EP400: variants seen among roughly 807,000 people sequenced by gnomAD.
EP400 encodes the protein E1A-binding protein p400.
Under a neutral mutation model 354.1 loss-of-function variants are expected in EP400, and 105 were observed. That is an observed-to-expected ratio of 0.30 (90% CI 0.25 to 0.35). The LOEUF is 0.35. Ranked by LOEUF, EP400 falls within the 10% of genes least tolerant of loss-of-function variation. The pLI is 1.00. For synonymous variants in EP400, 1,646 were observed against 1,716.9 expected (o/e 0.96, Z 1.02); for missense variants, 3,280 against 4,121.0 (o/e 0.80, Z 5.59).
intron 25 of EP400, among the ~76,000 whole-genome samples, chr12:132,026,201 C>T (rs1282045120): frequency 2.0e-5 from 3 of 152,198 alleles, no homozygotes; most frequent in Non-Finnish European, 4.4e-5. Flanking sequence ...TCCTGTCTCG[C>T]CACCTGCTTC....
chr12:131,966,281 G>A lies in EP400; in HGVS notation c.1335+4327G>A, dbSNP rs561641677. 1.1e-3 allele frequency among the ~76,000 whole-genome samples: 172 copies of A among 152,148 alleles called. 1 individual carries two copies. Among genetic ancestry groups the A allele is most frequent in the Non-Finnish European group, 7.6e-4 (52 of 67,980 alleles). Reference sequence around the variant, plus strand: ...GGATCACTTGAGGCTGGGAATTTAAGACCAGCCTGGACTAGGCATGATGGC... The same window carrying A: ...GGATCACTTGAGGCTGGGAATTTAAAACCAGCCTGGACTAGGCATGATGGC... On this transcript the variant is annotated intron_variant, in intron 2 of 52. Transcript: ENST00000389561.
intron 12 of EP400, among the ~76,000 whole-genome samples, chr12:131,995,477 A>C (rs1027304144): frequency 1.5e-4 from 23 of 151,360 alleles, no homozygotes; most frequent in Non-Finnish European, 3.4e-4. Context: ...GTGTGTGAGA[A>C]CTTCATGTGA....
intron 50 of EP400, chr12:132,068,713 C>T (rs1447992321): frequency 3.3e-5 from 5 of 152,348 alleles, no homozygotes; most frequent in African/African-American, 4.8e-5. Context: ...TTGGCACGAC[C>T]GCTGCAGGGA....
At chr12:132,064,366 T>C (rs1895816555) in intron 47 of EP400, among the ~76,000 whole-genome samples, 1 of 152,256 alleles carries the variant, frequency 6.6e-6, no homozygotes, top group African/African-American at 2.4e-5. Context: ...GAACTTCAAA[T>C]AAGTTTGGTT....
intron 2 of EP400, among the ~76,000 whole-genome samples, chr12:131,976,676 C>T (rs183106590): frequency 6.6e-6 from 1 of 152,290 alleles, no homozygotes; most frequent in African/African-American, 2.4e-5. Flanking sequence ...TACCATTGCA[C>T]TCCAGCCTGG....
rs372959673 is a variant in EP400 at position 131,990,252 on chromosome 12, G to T, written c.2550+148G>T. 6 of 964,738 alleles carry T rather than the reference G, an allele frequency of 6.2e-6. No homozygotes were observed. The highest frequency in any genetic ancestry group is 9.1e-6 in the Non-Finnish European group (6 of 657,100). The allele number at this position is 964,738 out of a possible 1,614,324, so 59.8% of individuals were successfully genotyped here. ...TGTGCACTCTCCTGGGCTGTTGCTT[G>T]TTGGCCTTTGAATGAGCTGCTCGTG... On this transcript the variant is annotated intron_variant, in intron 8 of 52. Coordinates refer to ENST00000389561, the MANE Select transcript of EP400 (RefSeq NM_015409.5). This position sits in a 1 kb window ranked among gnomAD's most constrained non-coding sequence, Gnocchi z 4.2.
rs2136538116 is a variant in EP400 at position 132,017,284 on chromosome 12, ATGAAG to A, written c.3924-248_3924-244del. Among the ~76,000 whole-genome samples, 1 of 152,274 alleles carries A rather than the reference ATGAAG, an allele frequency of 6.6e-6. No individual in the cohort carries two copies. The highest frequency in any genetic ancestry group is 2.4e-5 in the African/African-American group (1 of 41,560). Reference sequence around the variant, plus strand: ...TTCAGAGCACTCGGTATGATTGTGAATGAAGTGGAGTGGCTGTCTTTCCGTCAGCT... The same window carrying A: ...TTCAGAGCACTCGGTATGATTGTGAATGGAGTGGCTGTCTTTCCGTCAGCT... On this transcript the variant is annotated intron_variant, in intron 19 of 52. Coordinates refer to ENST00000389561, the MANE Select transcript of EP400 (RefSeq NM_015409.5). The surrounding 1 kb of genome is among the most constrained non-coding windows in gnomAD (Gnocchi z 5.0).
Position 132,045,256 on chromosome 12 carries a change from T to C in EP400, c.6785-63T>C, listed in dbSNP as rs532028197. On this transcript the variant is annotated intron_variant, in intron 37 of 52. Transcript: ENST00000389561. ...ACTTGCCTGACCTGTTTCCTTTGTC[T>C]TTTGCCTGCCCGTGTGGAATCTCCT... The C allele has an allele frequency of 5.3e-5, 85 of 1,588,856 alleles. No homozygotes were observed. The Admixed American group carries it at 1.4e-3, about 27-fold the overall frequency.
intron 29 of EP400, chr12:132,031,417 A>T (rs1894488942): frequency 7.7e-6 from 4 of 518,012 alleles, no homozygotes; most frequent in South Asian, 5.6e-5. Context: ...ATGTTATTTA[A>T]ACTGTGCATG....
intron 12 of EP400, among the ~76,000 whole-genome samples, chr12:132,002,507 A>G (rs570580365): frequency 1.2e-4 from 19 of 152,240 alleles, no homozygotes; most frequent in African/African-American, 4.6e-4. Flanking sequence ...TGGTTGTGGC[A>G]CAGGTCTCCT....
At position 132,013,852 on chromosome 12, in the gene EP400, T is replaced by C. The variant is rs772568157; in HGVS notation, c.3862T>C (p.Leu1288=). The change falls in exon 19 of 53, where the codon TTG becomes CTG. Residue 1288 remains leucine, a synonymous_variant. Transcript: ENST00000389561. The surrounding 1 kb of genome is among the most constrained non-coding windows in gnomAD (Gnocchi z 4.5). ...KQLTKKYEHV[L]KCRLSNRQKA... ...ACTAACAAAGAAATATGAGCATGTT[T>C]TGAAGTGTCGCCTTTCTAACCGACA... The C allele has an allele frequency of 6.2e-7, 1 of 1,614,254 alleles. No individual in the cohort carries two copies.
intron 1 of EP400, among the ~76,000 whole-genome samples, 179 bp downstream of exon 1, chr12:131,950,215 G>C (rs1011961939): frequency 7.2e-5 from 11 of 152,012 alleles, no homozygotes; most frequent in African/African-American, 2.4e-4. Context: ...CGGGCGACCG[G>C]GCTGAGGGCT....
chr12:132,025,895 T>C lies in EP400; in HGVS notation c.5014+91T>C. On this transcript the variant is annotated intron_variant, in intron 25 of 52. Coordinates refer to ENST00000389561, the MANE Select transcript of EP400 (RefSeq NM_015409.5). This position sits in a 1 kb window ranked among gnomAD's most constrained non-coding sequence, Gnocchi z 4.1. ...TGGAAAGCATTCATGTGTCTTTGAC[T>C]GTATCTCAGAACAGCACAGTCTAGT... 7.1e-7 allele frequency: 1 copy of C among 1,411,492 alleles called. No individual in the cohort carries two copies. The highest frequency in any genetic ancestry group is 9.3e-7 in the Non-Finnish European group (1 of 1,072,150). The allele number at this position is 1,411,492 out of a possible 1,614,324, so 87.4% of individuals were successfully genotyped here. A position where few individuals can be genotyped will look rare whatever the true frequency, so the allele number is the denominator to read the frequency against.
intron 51 of EP400, among the ~76,000 whole-genome samples, chr12:132,073,245 T>TA (rs1479440532): frequency 3.6e-5 from 4 of 109,870 alleles, no homozygotes; most frequent in Admixed American, 9.4e-5. Flanking sequence ...TTTTTTTTTT[T>TA]ATCAATTCTC....
rs142160213 is a variant in EP400 at position 132,046,828 on chromosome 12, G to A, written c.7200+928G>A. Reference sequence around the variant, plus strand: ...CGTCTGCATGCTCTACTGTGCCCACGTTGCCAGTGTCCACACCCATTGGGA... The same window carrying A: ...CGTCTGCATGCTCTACTGTGCCCACATTGCCAGTGTCCACACCCATTGGGA... On this transcript the variant is annotated intron_variant, in intron 39 of 52. Coordinates refer to ENST00000389561, the MANE Select transcript of EP400 (RefSeq NM_015409.5). Among the ~76,000 whole-genome samples the A allele has an allele frequency of 3.1e-4, 47 of 152,306 alleles. No individual in the cohort carries two copies. The East Asian group carries it at 8.7e-3, about 28-fold the overall frequency.
At chr12:132,046,847 A>C (rs1895113739) in intron 39 of EP400, among the ~76,000 whole-genome samples, 1 of 152,128 alleles carries the variant, frequency 6.6e-6, no homozygotes. Context: ...GTCCACACCC[A>C]TTGGGAGGTG....
chr12:131,971,998 C>T (rs575149932), intron 2 of EP400, among the ~76,000 whole-genome samples: 4 of 151,946 alleles, frequency 2.6e-5, no homozygotes, highest in African/African-American at 9.7e-5. Flanking sequence ...CCTTGTAAGA[C>T]GGAAAGAGGA....
At chr12:131,981,962 G>A (rs1892695690) in intron 4 of EP400, 131 bp from the exon 5 acceptor site, 2 of 1,228,344 alleles carry the variant, frequency 1.6e-6, no homozygotes, top group African/African-American at 3.0e-5. Flanking sequence ...GCTCGGTTGT[G>A]GCCAACTTCT....
chr12:132,059,442 G>A (rs993288630), intron 45 of EP400, among the ~76,000 whole-genome samples: 9 of 151,928 alleles, frequency 5.9e-5, no homozygotes, highest in African/African-American at 1.9e-4. Flanking sequence ...AGTGTCTCCC[G>A]CACTCCCTCA....
Sources: gnomAD v4.1 joint callset for allele counts (sites outside exome capture counted in the v4.1 genomes callset) on GRCh38, gnomAD v4.1.1 for gene constraint, Gnocchi (gnomAD v3.1) non-coding constraint, MANE v1.5 for transcripts, NCBI Gene and HGNC (gene_info 2026-07-23, HGNC 2026-07-21) for gene names.